PIAS4: variants seen among roughly 807,000 people sequenced by gnomAD.
PIAS4 encodes E3 SUMO-protein ligase PIAS4.
Under a neutral mutation model 58.0 loss-of-function variants are expected in PIAS4, and 7 were observed. The observed-to-expected ratio is 0.12, with a 90% confidence interval of 0.07 to 0.23. The LOEUF is 0.23. Among genes scored for constraint, PIAS4 ranks in the 10% least tolerant of loss-of-function variants. The pLI is 1.00. For synonymous variants in PIAS4, 364 were observed against 312.4 expected, an observed-to-expected ratio of 1.17 and a Z score of -1.74; for missense variants, 550 against 709.5, an observed-to-expected ratio of 0.78 and a Z score of 2.55.
At chr19:4,019,761 A>G (rs1207275768) in intron 2 of PIAS4, among the ~76,000 whole-genome samples, 3 of 152,130 alleles carry the variant, frequency 2.0e-5, no homozygotes, top group Non-Finnish European at 4.4e-5. Context: ...CCCTGAGCAT[A>G]TAAACGGGAA....
intron 1 of PIAS4, among the ~76,000 whole-genome samples, chr19:4,012,332 C>T (rs993144881): frequency 1.3e-5 from 2 of 152,094 alleles, no homozygotes; most frequent in African/African-American, 4.8e-5. Flanking sequence ...TGTGACAGAG[C>T]TCACACACCA....
At position 4,037,374 on chromosome 19, in the gene PIAS4, G is replaced by A; in HGVS notation, c.1143G>A (p.Gly381=). 2 of 1,602,298 alleles carry A rather than the reference G, an allele frequency of 1.2e-6. No homozygotes were observed. Among genetic ancestry groups the A allele is most frequent in the South Asian group, 2.2e-5 (2 of 90,812 alleles). The stretch of plus-strand genomic sequence containing the variant: ...GCGTCAGCTGTCCGCCTCGCCCCAG[G>A]CTCCTCTCGAAGATCCTGAGCGAGT... ...PAPYDQLIID[G]LLSKILSECE... Residue 381 remains glycine (G), a splice_region_variant and synonymous_variant, in exon 10 of 11, where the codon GGG becomes GGA. Coordinates refer to ENST00000262971, the MANE Select transcript of PIAS4 (RefSeq NM_015897.4). This position sits in a 1 kb window ranked among gnomAD's most constrained non-coding sequence, Gnocchi z 5.8.
rs77769422 is a variant in PIAS4, at chr19:4,038,049, T to A, written c.*174T>A. 3 of 517,760 alleles carry A rather than the reference T, an allele frequency of 5.8e-6. No homozygotes were observed. Among genetic ancestry groups the A allele is most frequent in the South Asian group, 3.7e-5 (1 of 27,336 alleles). 32.1% of individuals were successfully genotyped at this position (517,760 alleles called of 1,614,324 possible). A position where few individuals can be genotyped will look rare whatever the true frequency, so the allele number is the denominator to read the frequency against. ...ACCTCTGGACTCTCCTATCGGGGGA[T>A]TAAAAAAAAAAGTAAAATGACAAAA... is the stretch of plus-strand genomic sequence containing the variant. On this transcript the variant is annotated 3_prime_UTR_variant, in exon 11 of 11. Coordinates refer to ENST00000262971, the MANE Select transcript of PIAS4 (RefSeq NM_015897.4). The surrounding 1 kb of genome is among the most constrained non-coding windows in gnomAD (Gnocchi z 4.1).
chr19:4,035,856 A>C (rs1458573775), intron 9 of PIAS4, among the ~76,000 whole-genome samples: 73 of 128,340 alleles, frequency 5.7e-4, no homozygotes, highest in Non-Finnish European at 7.0e-4. Flanking sequence ...ACACATCCAT[A>C]CAGTCCACAC....
rs1189562378 is a variant in PIAS4 at position 4,038,412 on chromosome 19, C to T, written c.*537C>T. On this transcript the variant is annotated 3_prime_UTR_variant, in exon 11 of 11. Coordinates refer to ENST00000262971, the MANE Select transcript of PIAS4 (RefSeq NM_015897.4). This position sits in a 1 kb window ranked among gnomAD's most constrained non-coding sequence, Gnocchi z 4.1. ...CGCGCCGAGCAGCGAGCGTTTTAGC[C>T]GAGAAGCCATGGAGTGGGTTGGGGC... 2 of 128,110 alleles carry T rather than the reference C, an allele frequency of 1.6e-5. No homozygotes were observed. Among genetic ancestry groups the T allele is most frequent in the Admixed American group, 9.7e-5 (1 of 10,260 alleles). The allele number at this position is 128,110 out of a possible 1,614,324, so 7.9% of individuals were successfully genotyped here.
rs762889908 is a variant in PIAS4 at position 4,013,227 on chromosome 19, T to C, written c.332T>C (p.Leu111Pro). ...GGCCCCAATATTGACTACCCCGTGCTCTACGGAAAGTACTTAAACGGACTG... is the reference window on the plus strand; with the variant it reads ...GGCCCCAATATTGACTACCCCGTGCCCTACGGAAAGTACTTAAACGGACTG... ...LAGPNIDYPV[L>P]YGKYLNGLGR... Residue 111 changes from leucine (L) to proline (P), a missense_variant, in exon 2 of 11, where the codon CTC becomes CCC. Physicochemically the swap from Leu to Pro is moderately conservative, Grantham distance 98. Coordinates refer to ENST00000262971, the MANE Select transcript of PIAS4 (RefSeq NM_015897.4). The surrounding 1 kb of genome is among the most constrained non-coding windows in gnomAD (Gnocchi z 5.1). The C allele has an allele frequency of 1.4e-5, 23 of 1,613,472 alleles. No homozygotes were observed. The South Asian group carries it at 2.5e-4, about 18-fold the overall frequency.
At chr19:4,020,791 A>G (rs939508672) in intron 2 of PIAS4, among the ~76,000 whole-genome samples, 14 of 151,224 alleles carry the variant, frequency 9.3e-5, no homozygotes, top group South Asian at 8.3e-4. Flanking sequence ...TTTAGAGACA[A>G]GGTCTCACTG....
intron 9 of PIAS4, among the ~76,000 whole-genome samples, chr19:4,034,250 C>T (rs1192640349): frequency 6.6e-6 from 1 of 152,150 alleles, no homozygotes; most frequent in Non-Finnish European, 1.5e-5. Flanking sequence ...CCCTCACAGG[C>T]GGGAGCAGGC....
chr19:4,028,434 A>C, intron 4 of PIAS4, 76 bp from the exon 5 acceptor site: 1 of 1,086,584 alleles, frequency 9.2e-7, no homozygotes, highest in Non-Finnish European at 1.4e-6. Context: ...CCTGGCTACC[A>C]CTCGTGTACC....
At chr19:4,019,696 C>T (rs1280204029) in intron 2 of PIAS4, among the ~76,000 whole-genome samples, 6 of 152,166 alleles carry the variant, frequency 3.9e-5, no homozygotes, top group Admixed American at 3.3e-4. Flanking sequence ...GGCGGCCTTC[C>T]TCAAGGGCCC....
intron 3 of PIAS4, among the ~76,000 whole-genome samples, chr19:4,026,804 T>C (rs2040169445): frequency 6.6e-6 from 1 of 152,130 alleles, no homozygotes; most frequent in African/African-American, 2.4e-5. Context: ...TGCCCCAGAC[T>C]TCTGACTAGC....
intron 3 of PIAS4, 54 bp from the exon 4 acceptor site, chr19:4,028,092 G>T: frequency 6.4e-7 from 1 of 1,570,296 alleles, no homozygotes. Context: ...CTGGGGTCAC[G>T]CCCTCCTCAC....
Position 4,029,039 on chromosome 19 carries a change from G to A in PIAS4, c.907+3G>A. 6.3e-7 allele frequency: 1 copy of A among 1,593,462 alleles called. No individual in the cohort carries two copies. The highest frequency in any genetic ancestry group is 1.1e-5 in the South Asian group (1 of 88,712). ...CCCGGAGCTGTGCAAGGCACTGGGTGAGCAGCTCAGGCCACCTCGGCCGAG... is the reference window on the plus strand; with the variant it reads ...CCCGGAGCTGTGCAAGGCACTGGGTAAGCAGCTCAGGCCACCTCGGCCGAG... On this transcript the variant is annotated splice_donor_region_variant and intron_variant, in intron 7 of 10. Coordinates refer to ENST00000262971, the MANE Select transcript of PIAS4 (RefSeq NM_015897.4).
chr19:4,013,188 G>C lies in PIAS4; in HGVS notation c.293G>C (p.Arg98Thr), dbSNP rs778378130. Reference protein sequence around the residue: ...STYDRAGAVPRTPLAGPNIDY... With the variant: ...STYDRAGAVPTTPLAGPNIDY... ...TACGACCGGGCCGGCGCTGTGCCCA[G>C]GACTCCGCTGGCAGGCCCCAATATT... The change falls in exon 2 of 11, where the codon AGG (arginine) becomes ACG (threonine). Residue 98 changes from arginine to threonine, a missense_variant. Physicochemically the swap from Arg to Thr is moderately conservative, Grantham distance 71 (BLOSUM62 -1). Around this residue, in one of 4 missense-constraint regions of PIAS4, gnomAD observed 95 missense variants for 87.5 expected, o/e 1.09. Coordinates refer to ENST00000262971, the MANE Select transcript of PIAS4 (RefSeq NM_015897.4). The surrounding 1 kb of genome is among the most constrained non-coding windows in gnomAD (Gnocchi z 5.1). 6.2e-7 allele frequency: 1 copy of C among 1,613,512 alleles called. No individual in the cohort carries two copies. The highest frequency in any genetic ancestry group is 1.7e-5 in the Admixed American group (1 of 60,026).
At chr19:4,026,952 A>G (rs1488637960) in intron 3 of PIAS4, among the ~76,000 whole-genome samples, 1 of 151,378 alleles carries the variant, frequency 6.6e-6, no homozygotes, top group Non-Finnish European at 1.5e-5. Flanking sequence ...GGTTCACGCC[A>G]TTCTCCTGCC....
At chr19:4,025,125 A>C (rs1009783131) in intron 3 of PIAS4, among the ~76,000 whole-genome samples, 7 of 152,154 alleles carry the variant, frequency 4.6e-5, no homozygotes, top group Admixed American at 6.5e-5. Context: ...TACCGTGGAT[A>C]GTGAGGTGGG....
chr19:4,016,131 G>A (rs1050668111), intron 2 of PIAS4, among the ~76,000 whole-genome samples: 1 of 152,222 alleles, frequency 6.6e-6, no homozygotes, highest in Non-Finnish European at 1.5e-5. Context: ...CCTGCCTGTC[G>A]GCAAGGAAGC....
chr19:4,010,232 G>T (rs1266246300), intron 1 of PIAS4, among the ~76,000 whole-genome samples: 4 of 152,206 alleles, frequency 2.6e-5, no homozygotes, highest in Non-Finnish European at 5.9e-5. Flanking sequence ...GCTCCTCCGA[G>T]GTGGCAGCTG....
intron 2 of PIAS4, chr19:4,017,921 T>C (rs34150601): frequency 0.33 from 50,805 of 152,074 alleles, 8,975 homozygotes; most frequent in African/African-American, 0.43. Context: ...GTGATCCACC[T>C]ACCTTGGCCT....
Sources: gnomAD v4.1 joint callset for allele counts (sites outside exome capture counted in the v4.1 genomes callset) on GRCh38, gnomAD v4.1.1 for gene constraint, gnomAD v4.1.1 regional missense constraint, Gnocchi (gnomAD v3.1) non-coding constraint, MANE v1.5 for transcripts, NCBI Gene and HGNC (gene_info 2026-07-23, HGNC 2026-07-21) for gene names.